The following TRIM2 variants were observed in gnomAD, a reference collection of about 807,000 sequenced individuals.
The protein encoded by TRIM2 is tripartite motif-containing protein 2.
Under a neutral mutation model 75.2 loss-of-function variants are expected in TRIM2, and 20 were observed. The observed-to-expected ratio is 0.27, with a 90% confidence interval of 0.19 to 0.39. The LOEUF (loss-of-function observed/expected upper bound fraction) is 0.39, where lower values mean the gene tolerates loss of function less well. TRIM2 is among the 10% of genes least tolerant of loss of function. The probability of loss-of-function intolerance (pLI) is 1.00; values close to 1 mark genes in which losing one functional copy is unlikely to be tolerated. For synonymous variants in TRIM2, 373 were observed against 388.3 expected, an observed-to-expected ratio of 0.96 and a Z score of 0.46; for missense variants, 660 against 990.8, an observed-to-expected ratio of 0.67 and a Z score of 4.48.
At chr4:153,241,119 T>C (rs1044510333) in intron 1 of TRIM2, among the ~76,000 whole-genome samples, 25 of 152,170 alleles carry the variant, frequency 1.6e-4, no homozygotes, top group Non-Finnish European at 7.4e-5. Context: ...GTAGAGTATG[T>C]GTCACTCTTA....
At position 153,171,840 on chromosome 4, in the gene TRIM2, C is replaced by CTTTTTTTTTT. The variant is rs398064151; in HGVS notation, c.-49+18575_-49+18584dup. 6.9e-4 allele frequency among the ~76,000 whole-genome samples: 79 copies of CTTTTTTTTTT among 114,760 alleles called. 2 individuals carry two copies. Among genetic ancestry groups the CTTTTTTTTTT allele is most frequent in the African/African-American group, 2.5e-3 (73 of 28,820 alleles). The allele number at this position is 114,760 out of a possible 152,430, so 75.3% of individuals were successfully genotyped here. On this transcript the variant is annotated intron_variant, in intron 1 of 11. Transcript: ENST00000437508. ...TTTTTGCCATATTTTCGTTTTGGGGCTTTTTTTTTTTTTTCGCTAATGTAT... is the reference window on the plus strand; with the variant it reads ...TTTTTGCCATATTTTCGTTTTGGGGCTTTTTTTTTTTTTTTTTTTTTTTTCGCTAATGTAT...
chr4:153,274,852 G>A (rs990411280), intron 2 of TRIM2, among the ~76,000 whole-genome samples: 33 of 152,188 alleles, frequency 2.2e-4, no homozygotes, highest in Admixed American at 1.0e-3. Context: ...TTCAGACGTC[G>A]TTAATGACCT....
In TRIM2 at chr4:153,338,557, T is replaced by G. The variant is rs1362453849; in HGVS notation, c.*3591T>G. On this transcript the variant is annotated 3_prime_UTR_variant, in exon 12 of 12. Transcript: ENST00000338700. ...TAATTACTTTAATATTTTTGATAAC[T>G]AGAAATCTAGTATTGCCATAAAGGA... is the stretch of plus-strand genomic sequence containing the variant. 1.0e-6 allele frequency: 1 copy of G among 984,090 alleles called. No individual in the cohort carries two copies. The highest frequency in any genetic ancestry group is 1.2e-6 in the Non-Finnish European group (1 of 828,494). The allele number at this position is 984,090 out of a possible 1,614,324, so 61.0% of individuals were successfully genotyped here.
intron 1 of TRIM2, among the ~76,000 whole-genome samples, chr4:153,192,305 C>A (rs12511084): frequency 0.25 from 38,337 of 151,928 alleles, 5,574 homozygotes; most frequent in African/African-American, 0.4. Flanking sequence ...GAAAATGTAC[C>A]TCAAGGTTAA....
chr4:153,218,143 C>T (rs942566147), intron 1 of TRIM2, among the ~76,000 whole-genome samples: 1 of 152,176 alleles, frequency 6.6e-6, no homozygotes, highest in African/African-American at 2.4e-5. Flanking sequence ...ATTTATTCAC[C>T]TATTCAATTG....
intron 1 of TRIM2, among the ~76,000 whole-genome samples, chr4:153,178,262 G>T (rs1205762000): frequency 2.0e-5 from 3 of 151,998 alleles, no homozygotes; most frequent in Non-Finnish European, 2.9e-5. Flanking sequence ...CAGGCTGTAG[G>T]TTCCGTAACC....
intron 1 of TRIM2, among the ~76,000 whole-genome samples, chr4:153,225,169 G>T (rs1185648929): frequency 6.6e-6 from 1 of 152,122 alleles, no homozygotes; most frequent in Admixed American, 6.5e-5. Context: ...AACATTATCA[G>T]AACTTTCTCC....
chr4:153,266,539 T>C (rs1002639399), intron 1 of TRIM2, among the ~76,000 whole-genome samples: 5 of 151,912 alleles, frequency 3.3e-5, no homozygotes, highest in Non-Finnish European at 7.4e-5. Flanking sequence ...GATGGAGTTT[T>C]ACCATGTCGG....
At chr4:153,275,747 T>G (rs1757872713) in intron 2 of TRIM2, 146 bp from the exon 3 acceptor site, 1 of 730,474 alleles carries the variant, frequency 1.4e-6, no homozygotes, top group Admixed American at 2.3e-5. Context: ...ACCTGTTGGT[T>G]TCTGAAATAT....
At chr4:153,221,493 C>T (rs1278016625) in intron 1 of TRIM2, among the ~76,000 whole-genome samples, 1 of 152,200 alleles carries the variant, frequency 6.6e-6, no homozygotes, top group Non-Finnish European at 1.5e-5. Context: ...TCGTTTCCTG[C>T]TTCTATGTTC....
In TRIM2 at chr4:153,272,479, T is replaced by C. The variant is rs933558218; in HGVS notation, c.215+1960T>C. 2.6e-4 allele frequency among the ~76,000 whole-genome samples: 39 copies of C among 150,370 alleles called. 1 individual carries two copies. Among genetic ancestry groups the C allele is most frequent in the African/African-American group, 9.4e-4 (38 of 40,616 alleles). ...CCTCTTCTTTTATTTTTTATTTTAT[T>C]AATTATTTATTAATTTATTTATTTT... On this transcript the variant is annotated intron_variant, in intron 2 of 11. Transcript: ENST00000338700.
intron 1 of TRIM2, among the ~76,000 whole-genome samples, chr4:153,223,271 T>C (rs1741188900): frequency 6.6e-6 from 1 of 152,140 alleles, no homozygotes. Context: ...CGCGGAGCTC[T>C]CCCGGGAGTC....
chr4:153,301,127 G>A (rs930482045), intron 6 of TRIM2, among the ~76,000 whole-genome samples: 1 of 151,616 alleles, frequency 6.6e-6, no homozygotes, highest in African/African-American at 2.4e-5. Flanking sequence ...GGAGGCAGAG[G>A]CTGCAGTGAG....
rs1486010532 is a variant in TRIM2, at chr4:153,328,456, A to G, written c.2023-74A>G. On this transcript the variant is annotated intron_variant, in intron 10 of 11. Transcript: ENST00000338700. ...TGTTATAAATAACCTGCTCAAATAGATATTTTTTTAATCCATCATGTTGGT... is the reference window on the plus strand; with the variant it reads ...TGTTATAAATAACCTGCTCAAATAGGTATTTTTTTAATCCATCATGTTGGT... 5 of 1,344,478 alleles carry G rather than the reference A, an allele frequency of 3.7e-6. No homozygotes were observed. The African/African-American group carries it at 6.0e-5, about 16-fold the overall frequency. The allele number at this position is 1,344,478 out of a possible 1,614,324, so 83.3% of individuals were successfully genotyped here. A position where few individuals can be genotyped will look rare whatever the true frequency, so the allele number is the denominator to read the frequency against.
intron 2 of TRIM2, among the ~76,000 whole-genome samples, chr4:153,273,442 A>ATTTTTTTTTTTTT (rs11459214): frequency 9.8e-4 from 76 of 77,632 alleles, no homozygotes; most frequent in African/African-American, 1.5e-3. Context: ...CGCCCGGCTA[A>ATTTTTTTTTTTTT]TTTTTTTTTT....
At chr4:153,274,534 TG>T (rs763252108) in intron 2 of TRIM2, among the ~76,000 whole-genome samples, 2 of 152,236 alleles carry the variant, frequency 1.3e-5, no homozygotes, top group African/African-American at 2.4e-5. Flanking sequence ...GGTCAGTTAA[TG>T]AGGCTCAAAG....
intron 1 of TRIM2, among the ~76,000 whole-genome samples, chr4:153,180,375 C>CAGCT (rs1424660231): frequency 7.2e-5 from 11 of 152,220 alleles, no homozygotes; most frequent in Non-Finnish European, 1.3e-4. Flanking sequence ...TGGGGTCATG[C>CAGCT]AGCTAATTGG....
intron 1 of TRIM2, among the ~76,000 whole-genome samples, chr4:153,216,105 T>C (rs549225772): frequency 6.6e-6 from 1 of 152,358 alleles, no homozygotes; most frequent in South Asian, 2.1e-4. Flanking sequence ...AGAGTTGTTC[T>C]CTTTCTGTCT....
intron 1 of TRIM2, chr4:153,266,894 T>G (rs1437303262): frequency 8.1e-5 from 3 of 37,006 alleles, no homozygotes; most frequent in Admixed American, 4.0e-4. Flanking sequence ...ATTTTCTGGG[T>G]TTTTTTTTTT....
Sources: allele counts gnomAD v4.1 joint callset (sites outside exome capture counted in the v4.1 genomes callset), GRCh38; gene constraint gnomAD v4.1.1; transcripts MANE v1.5; gene names NCBI Gene and HGNC (gene_info 2026-07-23, HGNC 2026-07-21).